Variants in ZNF804B observed in about 807,000 individuals in gnomAD.
The protein encoded by ZNF804B is zinc finger protein 804B, also known as zinc finger 804B.
Under a neutral mutation model 101.4 loss-of-function variants are expected in ZNF804B, and 80 were observed. The ratio of observed to expected loss-of-function variants is 0.79; its 90% confidence interval spans 0.66 to 0.95. The LOEUF (loss-of-function observed/expected upper bound fraction) is 0.95, where lower values mean the gene tolerates loss of function less well. ZNF804B is among the 40% of genes least tolerant of loss of function. The probability of loss-of-function intolerance (pLI) is 0.00; values close to 1 mark genes in which losing one functional copy is unlikely to be tolerated. For missense variants in ZNF804B, 1,673 were observed against 1,561.9 expected (o/e 1.07, Z -1.20); for synonymous variants, 622 against 558.8 (o/e 1.11, Z -1.59).
chr7:88,772,886 T>C (rs1342916346), intron 1 of ZNF804B, among the ~76,000 whole-genome samples: 1 of 124,754 alleles, frequency 8.0e-6, no homozygotes. Flanking sequence ...AACTACTTTA[T>C]TTAAAGGTGG....
chr7:89,046,526 C>T (rs531616716), intron 1 of ZNF804B, among the ~76,000 whole-genome samples: 9 of 152,246 alleles, frequency 5.9e-5, no homozygotes, highest in Admixed American at 4.6e-4. Flanking sequence ...TCTCTTCTCT[C>T]ATTGTCTGAA....
At chr7:88,967,376 A>C (rs569534767) in intron 1 of ZNF804B, among the ~76,000 whole-genome samples, 1 of 151,558 alleles carries the variant, frequency 6.6e-6, no homozygotes, top group East Asian at 2.0e-4. Context: ...CTCACTCACT[A>C]TTACGAGGGG....
chr7:89,210,372 G>A (rs949144748), intron 1 of ZNF804B, among the ~76,000 whole-genome samples: 20 of 152,046 alleles, frequency 1.3e-4, no homozygotes, highest in East Asian at 3.9e-4. Flanking sequence ...GGGTACATGC[G>A]CAGGATGTGC....
At chr7:89,121,230 T>A (rs1246325645) in intron 1 of ZNF804B, among the ~76,000 whole-genome samples, 8 of 152,160 alleles carry the variant, frequency 5.3e-5, no homozygotes, top group Non-Finnish European at 8.8e-5. Flanking sequence ...AGTCATGAAA[T>A]CCTCTTTGAC....
At chr7:89,326,725 G>A (rs931042324) in intron 2 of ZNF804B, among the ~76,000 whole-genome samples, 1 of 151,972 alleles carries the variant, frequency 6.6e-6, no homozygotes, top group South Asian at 2.1e-4. Flanking sequence ...AAAATAAGTG[G>A]TGAGTGAATT....
intron 1 of ZNF804B, among the ~76,000 whole-genome samples, chr7:89,181,571 G>C (rs754169875): frequency 5.3e-5 from 8 of 152,066 alleles, no homozygotes; most frequent in East Asian, 1.9e-4. Context: ...TCTGCGGAAT[G>C]GGGGAGGGGT....
intron 1 of ZNF804B, among the ~76,000 whole-genome samples, chr7:89,103,719 A>C (rs1790094186): frequency 6.6e-6 from 1 of 151,802 alleles, no homozygotes; most frequent in Non-Finnish European, 1.5e-5. Flanking sequence ...GATTCCTTTT[A>C]TTTCTTTCTC....
At chr7:89,145,477 A>G (rs990385891) in intron 1 of ZNF804B, among the ~76,000 whole-genome samples, 2 of 152,178 alleles carry the variant, frequency 1.3e-5, no homozygotes, top group South Asian at 4.1e-4. Flanking sequence ...AATTTACTTA[A>G]TATCTACTAT....
chr7:89,292,085 C>G (rs879466581), intron 2 of ZNF804B, among the ~76,000 whole-genome samples: 4 of 152,068 alleles, frequency 2.6e-5, no homozygotes, highest in Non-Finnish European at 4.4e-5. Flanking sequence ...AGGACTTTCC[C>G]AGACAAACAA....
chr7:88,833,050 G>T (rs944046122), intron 1 of ZNF804B, among the ~76,000 whole-genome samples: 2 of 151,632 alleles, frequency 1.3e-5, no homozygotes, highest in Admixed American at 6.6e-5. Flanking sequence ...TGTTTTTATT[G>T]AATGCTTTTA....
intron 1 of ZNF804B, among the ~76,000 whole-genome samples, chr7:89,096,412 TTGATCCCGAGAC>T (rs1789973275): frequency 6.6e-6 from 1 of 151,910 alleles, no homozygotes; most frequent in East Asian, 1.9e-4. Context: ...GGTGGAAGAG[TTGATCCCGAGAC>T]TGATGTGACT....
In ZNF804B at chr7:89,338,333, T is replaced by C. The variant is rs1464774635; in HGVS notation, c.*1301T>C. On this transcript the variant is annotated 3_prime_UTR_variant, in exon 4 of 4. Transcript: ENST00000333190. ...GAAGATAGCTATATTTAAGGCTTGT[T>C]GTGATTCAGGTACAGTTACCCTATC... 1.3e-5 allele frequency among the ~76,000 whole-genome samples: 2 copies of C among 152,104 alleles called. No individual in the cohort carries two copies. The highest frequency in any genetic ancestry group is 3.9e-4 in the East Asian group (2 of 5,194).
chr7:88,851,533 A>G (rs958550113), intron 1 of ZNF804B, among the ~76,000 whole-genome samples: 7 of 152,066 alleles, frequency 4.6e-5, no homozygotes, highest in Admixed American at 4.6e-4. Context: ...TACCAAAAAT[A>G]CCATTTAAAA....
Position 89,334,394 on chromosome 7 carries a change from T to A in ZNF804B, c.1412T>A (p.Ile471Asn). Residue 471 changes from isoleucine to asparagine, a missense_variant, in exon 4 of 4, where the codon ATC becomes AAC. Ile to Asn is a moderately radical substitution (Grantham distance 149, BLOSUM62 -3). Coordinates refer to ENST00000333190, the MANE Select transcript of ZNF804B (RefSeq NM_181646.5). ...LLLFTKTEPCISYGCNPLYFD... is the reference protein window; with the variant it reads ...LLLFTKTEPCNSYGCNPLYFD... Reference sequence around the variant, plus strand: ...CTCTTTACAAAAACAGAACCCTGTATCTCTTATGGCTGCAACCCACTGTAT... The same window carrying A: ...CTCTTTACAAAAACAGAACCCTGTAACTCTTATGGCTGCAACCCACTGTAT... The A allele has an allele frequency of 6.2e-7, 1 of 1,613,788 alleles. No individual in the cohort carries two copies. The highest frequency in any genetic ancestry group is 8.5e-7 in the Non-Finnish European group (1 of 1,179,854).
Position 89,279,202 on chromosome 7 carries a change from G to C in ZNF804B, c.250-48142G>C, listed in dbSNP as rs1790039348. Among the ~76,000 whole-genome samples, 5 of 152,036 alleles carry C rather than the reference G, an allele frequency of 3.3e-5. No individual in the cohort carries two copies. In the South Asian group the frequency reaches 1.0e-3, roughly 32 times the overall value. On this transcript the variant is annotated intron_variant, in intron 2 of 3. Transcript: ENST00000333190. Reference sequence around the variant, plus strand: ...CTTGTGATTTTTGCACATTGATTTTGTATCCTGAGACTTTGCTGAAGTTGC... The same window carrying C: ...CTTGTGATTTTTGCACATTGATTTTCTATCCTGAGACTTTGCTGAAGTTGC...
chr7:89,101,910 C>T (rs1351496791), intron 1 of ZNF804B, among the ~76,000 whole-genome samples: 1 of 151,742 alleles, frequency 6.6e-6, no homozygotes, highest in Non-Finnish European at 1.5e-5. Flanking sequence ...CCATCTTTAT[C>T]TACATGTGTG....
At chr7:89,005,353 G>A (rs1390205941) in intron 1 of ZNF804B, among the ~76,000 whole-genome samples, 2 of 151,948 alleles carry the variant, frequency 1.3e-5, no homozygotes, top group African/African-American at 4.8e-5. Context: ...TTTTGTTGTT[G>A]TTGTTGTTCC....
intron 1 of ZNF804B, among the ~76,000 whole-genome samples, chr7:89,191,162 C>T (rs1171786184): frequency 6.6e-6 from 1 of 151,932 alleles, no homozygotes; most frequent in African/African-American, 2.4e-5. Context: ...AATACCCAAA[C>T]TAAATAGAAA....
chr7:89,207,848 A>T (rs533300911), intron 1 of ZNF804B, among the ~76,000 whole-genome samples: 1 of 152,184 alleles, frequency 6.6e-6, no homozygotes. Flanking sequence ...CTCTAGGTCA[A>T]GAATTCACTG....
Sources: gnomAD v4.1 joint callset for allele counts (sites outside exome capture counted in the v4.1 genomes callset) on GRCh38, gnomAD v4.1.1 for gene constraint, MANE v1.5 for transcripts, NCBI Gene and HGNC (gene_info 2026-07-23, HGNC 2026-07-21) for gene names.